The following SACS variants were observed in gnomAD, a reference collection of about 807,000 sequenced individuals.
SACS encodes sacsin.
A neutral mutation model predicts 348.0 loss-of-function variants in SACS; 197 were observed. The observed-to-expected ratio is 0.57, with a 90% CI of 0.50 to 0.64. SACS has a LOEUF of 0.64. Ranked by LOEUF, SACS falls within the 30% of genes least tolerant of loss-of-function variation. SACS has a pLI of 0.00. For synonymous variants in SACS, 1,985 were observed against 1,910.6 expected (o/e 1.04, Z -1.02); for missense variants, 4,999 against 5,360.8 (o/e 0.93, Z 2.11).
rs759173138 is a variant in SACS at position 23,339,265 on chromosome 13, G to C, written c.4611C>G (p.Asn1537Lys). 1.9e-6 allele frequency: 3 copies of C among 1,603,074 alleles called. No homozygotes were observed. The African/African-American group carries it at 4.0e-5, about 22-fold the overall frequency. Reference sequence around the variant, plus strand: ...TTAAAGATTCTCCTAACCTAGTTATGTTCACAAAATCTGAATCTGAGAATT... The same window carrying C: ...TTAAAGATTCTCCTAACCTAGTTATCTTCACAAAATCTGAATCTGAGAATT... ...NSQFSDSDFVNITRLGESLKR... is the reference protein window; with the variant it reads ...NSQFSDSDFVKITRLGESLKR... Residue 1537 changes from asparagine to lysine, a missense_variant, in exon 10 of 10, where the codon AAC (asparagine) becomes AAG (lysine). Physicochemically the swap from Asn to Lys is moderately conservative, Grantham distance 94 (BLOSUM62 0). This residue lies in a region of SACS where 3,156 missense variants were observed against 3,380.1 expected (regional missense o/e 0.93). Coordinates refer to ENST00000382292, the MANE Select transcript of SACS (RefSeq NM_014363.6).
At chr13:23,403,078 T>C (rs957022501) in intron 2 of SACS, among the ~76,000 whole-genome samples, 1 of 151,722 alleles carries the variant, frequency 6.6e-6, no homozygotes, top group Non-Finnish European at 1.5e-5. Flanking sequence ...CTCGGGAGGC[T>C]GAGGCAGGAG....
At chr13:23,398,756 G>A (rs1190172212) in intron 2 of SACS, among the ~76,000 whole-genome samples, 1 of 151,974 alleles carries the variant, frequency 6.6e-6, no homozygotes, top group African/African-American at 2.4e-5. Context: ...TTGTGCAGAG[G>A]AAGCTCTTAG....
chr13:23,359,685 A>C (rs1340214091), intron 6 of SACS, among the ~76,000 whole-genome samples: 1 of 152,160 alleles, frequency 6.6e-6, no homozygotes, highest in African/African-American at 2.4e-5. Flanking sequence ...CTTACTTTAA[A>C]GATGATTAAT....
chr13:23,410,505 G>T (rs1405463675), intron 2 of SACS, among the ~76,000 whole-genome samples: 1 of 152,176 alleles, frequency 6.6e-6, no homozygotes, highest in Non-Finnish European at 1.5e-5. Context: ...CGTTTTATTT[G>T]TTGATATCTT....
intron 1 of SACS, among the ~76,000 whole-genome samples, chr13:23,431,042 C>T (rs118001550): frequency 1.3e-5 from 2 of 152,160 alleles, no homozygotes; most frequent in Admixed American, 1.3e-4. Flanking sequence ...ATAAGAAATA[C>T]TTGGGGTTCT....
Position 23,332,815 on chromosome 13 carries a change from T to A in SACS, c.11061A>T (p.Val3687=). 1 of 1,613,836 alleles carries A rather than the reference T, an allele frequency of 6.2e-7. No homozygotes were observed. The highest frequency in any genetic ancestry group is 8.5e-7 in the Non-Finnish European group (1 of 1,179,940). ...CATCACATTGCTTGAATTTTGGATTTACCTGTGCTCCATTGAACTTTATAA... is the reference window on the plus strand; with the variant it reads ...CATCACATTGCTTGAATTTTGGATTAACCTGTGCTCCATTGAACTTTATAA... The part of the protein sequence containing the change: ...LPLIKFNGAQ[V]NPKFKQCDVL... Residue 3687 remains valine, a synonymous_variant, in exon 10 of 10, where the codon GTA becomes GTT. Coordinates refer to ENST00000382292, the MANE Select transcript of SACS (RefSeq NM_014363.6).
intron 3 of SACS, among the ~76,000 whole-genome samples, chr13:23,371,724 A>G (rs1046796970): frequency 6.6e-6 from 1 of 152,248 alleles, no homozygotes; most frequent in Non-Finnish European, 1.5e-5. Context: ...ATATACAAAC[A>G]TAACACATAT....
chr13:23,426,819 A>G (rs886913013), intron 1 of SACS: 2 of 152,242 alleles, frequency 1.3e-5, no homozygotes, highest in Non-Finnish European at 2.9e-5. Context: ...CTCAGAGAGC[A>G]GAGGAGTGAC....
chr13:23,423,857 A>C (rs1261189669), intron 1 of SACS, among the ~76,000 whole-genome samples: 1 of 152,172 alleles, frequency 6.6e-6, no homozygotes, highest in Non-Finnish European at 1.5e-5. Flanking sequence ...GAGAAGAACC[A>C]GTGTTTTTGT....
Position 23,337,104 on chromosome 13 carries a change from G to A in SACS, c.6772C>T (p.Gln2258Ter). The A allele has an allele frequency of 6.2e-7, 1 of 1,613,992 alleles. No homozygotes were observed. The highest frequency in any genetic ancestry group is 8.5e-7 in the Non-Finnish European group (1 of 1,179,924). The part of the protein sequence containing the change: ...AEHQDIVCLL[Q>*]PILNENSHSF... ...TGGGAATTTTCATTTAGAATTGGTT[G>A]CAAAAGACAAACTATATCTTGATGT... Residue 2258 changes from glutamine (Q) to a stop codon, truncating the protein, a stop_gained, in exon 10 of 10, where the codon CAA becomes TAA. Coordinates refer to ENST00000382292, the MANE Select transcript of SACS (RefSeq NM_014363.6). LOFTEE classifies it high-confidence loss of function.
rs1422752423 is a variant in SACS, at chr13:23,331,242, T to C, written c.12634A>G (p.Arg4212Gly). ...TYAIIVQEVE[R>G]EDADNSSFLG... ...AAACTAGAATTGTCAGCATCTTCTC[T>C]TTCAACTTCTTGTACAATAATTGCA... Residue 4212 changes from arginine to glycine, a missense_variant, in exon 10 of 10, where the codon AGA becomes GGA. Around this residue, in one of 6 missense-constraint regions of SACS, gnomAD observed 831 missense variants for 941.8 expected, o/e 0.88. Transcript: ENST00000382292. The C allele has an allele frequency of 6.2e-7, 1 of 1,613,984 alleles. No homozygotes were observed. The highest frequency in any genetic ancestry group is 1.7e-5 in the Admixed American group (1 of 60,010).
At chr13:23,418,998 A>T (rs559524562) in intron 1 of SACS, 1 of 152,236 alleles carries the variant, frequency 6.6e-6, no homozygotes, top group Non-Finnish European at 1.5e-5. Flanking sequence ...GCTGAGTAAG[A>T]TGTTCTCGCT....
Position 23,336,347 on chromosome 13 carries a change from G to A in SACS, c.7529C>T (p.Ala2510Val). 6.2e-7 allele frequency: 1 copy of A among 1,614,066 alleles called. No homozygotes were observed. Among genetic ancestry groups the A allele is most frequent in the East Asian group, 2.2e-5 (1 of 44,878 alleles). ...PKRHKALERY[A>V]SNVCFTTLGT... is the part of the protein sequence containing the mutation. ...AAGTGTTGTAAAACAGACATTGGAT[G>A]CATATCTTTCTAAGGCTTTGTGTCG... The change falls in exon 10 of 10, where the codon GCA (alanine) becomes GTA (valine). Residue 2510 changes from alanine to valine, a missense_variant. Ala to Val is a moderately conservative substitution (Grantham distance 64, BLOSUM62 0). Transcript: ENST00000382292.
Position 23,341,418 on chromosome 13 carries a change from G to A in SACS, c.2458C>T (p.Leu820Phe), listed in dbSNP as rs767140443. 13 of 1,613,636 alleles carry A rather than the reference G, an allele frequency of 8.1e-6. No individual in the cohort carries two copies. In the African/African-American group the frequency reaches 1.6e-4, roughly 20 times the overall value. Reference sequence around the variant, plus strand: ...AAAATGACTAACGATGGAATCCTGAGTCTAATGAGTTCCACACATGTCTGA... The same window carrying A: ...AAAATGACTAACGATGGAATCCTGAATCTAATGAGTTCCACACATGTCTGA... ...EGQTCVELIR[L>F]RIPSLVILDD... The change falls in exon 10 of 10, where the codon CTC (leucine) becomes TTC (phenylalanine). Residue 820 changes from leucine (L) to phenylalanine (F), a missense_variant. Physicochemically the swap from Leu to Phe is conservative, Grantham distance 22. Coordinates refer to ENST00000382292, the MANE Select transcript of SACS (RefSeq NM_014363.6).
intron 9 of SACS, among the ~76,000 whole-genome samples, chr13:23,350,889 C>T (rs1869912913): frequency 6.6e-6 from 1 of 152,174 alleles, no homozygotes; most frequent in Non-Finnish European, 1.5e-5. Flanking sequence ...CTCAGCAGGA[C>T]TCAAAGGGAC....
intron 3 of SACS, among the ~76,000 whole-genome samples, chr13:23,371,836 G>A (rs777251694): frequency 3.3e-5 from 5 of 152,106 alleles, no homozygotes; most frequent in Non-Finnish European, 4.4e-5. Context: ...AAGGAAAGAG[G>A]GACAGGAATA....
rs200768588 is a variant in SACS at position 23,336,551 on chromosome 13, T to C, written c.7325A>G (p.Glu2442Gly). The change falls in exon 10 of 10, where the codon GAA becomes GGA. Residue 2442 changes from glutamate (E) to glycine (G), a missense_variant. Transcript: ENST00000382292. ...IWSLIREKKQ[E>G]FCEKNYGKIL... ...CTTGCCATAATTTTTCTCACAAAATTCTTGTTTCTTTTCTCTAATGAGACT... is the reference window on the plus strand; with the variant it reads ...CTTGCCATAATTTTTCTCACAAAATCCTTGTTTCTTTTCTCTAATGAGACT... 27 of 1,613,836 alleles carry C rather than the reference T, an allele frequency of 1.7e-5. No individual in the cohort carries two copies. In the Admixed American group the frequency reaches 2.2e-4, roughly 13 times the overall value.
Position 23,334,721 on chromosome 13 carries a change from GCTA to G in SACS, c.9152_9154del (p.Val3051del). ...ATGTTTCAGCCTATAGACATTCTCTGCTACTGTTTTGCGTGTGGTGATATTATA... is the reference window on the plus strand; with the variant it reads ...ATGTTTCAGCCTATAGACATTCTCTGCTGTTTTGCGTGTGGTGATATTATA... On this transcript the variant is annotated inframe_deletion, in exon 10 of 10. Transcript: ENST00000382292. 6.2e-7 allele frequency: 1 copy of G among 1,613,726 alleles called. No homozygotes were observed. The highest frequency in any genetic ancestry group is 8.5e-7 in the Non-Finnish European group (1 of 1,179,758).
intron 2 of SACS, among the ~76,000 whole-genome samples, chr13:23,398,798 T>C (rs1421510630): frequency 6.6e-6 from 1 of 151,678 alleles, no homozygotes; most frequent in Non-Finnish European, 1.5e-5. Context: ...AGGTTGTAAA[T>C]TGTTTTTTAT....
Sources: gnomAD v4.1 joint callset for allele counts (sites outside exome capture counted in the v4.1 genomes callset) on GRCh38, gnomAD v4.1.1 for gene constraint, gnomAD v4.1.1 regional missense constraint, MANE v1.5 for transcripts, NCBI Gene and HGNC (gene_info 2026-07-23, HGNC 2026-07-21) for gene names.